Variants in LPP observed in about 807,000 individuals in gnomAD.
LPP encodes the protein lipoma-preferred partner.
LPP carries 38 observed loss-of-function variants against 60.4 expected under a neutral mutation model. The observed-to-expected ratio is 0.63, with a 90% CI of 0.49 to 0.83. The LOEUF (loss-of-function observed/expected upper bound fraction) is 0.83, where lower values mean the gene tolerates loss of function less well. Ranked by LOEUF, LPP falls within the 40% of genes least tolerant of loss-of-function variation. LPP has a pLI of 0.00. For missense variants in LPP, 902 were observed against 783.6 expected, an observed-to-expected ratio of 1.15 and a Z score of -1.80; for synonymous variants, 328 against 290.8, an observed-to-expected ratio of 1.13 and a Z score of -1.30.
chr3:188,603,430 A>G (rs1390269453), intron 6 of LPP, among the ~76,000 whole-genome samples: 29 of 152,002 alleles, frequency 1.9e-4, no homozygotes, highest in Admixed American at 1.9e-3. Context: ...TAAAACCCCA[A>G]ACTATGCAGC....
At chr3:188,228,121 C>G (rs1296818754) in intron 2 of LPP, among the ~76,000 whole-genome samples, 4 of 152,174 alleles carry the variant, frequency 2.6e-5, no homozygotes, top group African/African-American at 7.2e-5. Context: ...AGGCATCAGC[C>G]AGCTGCACTG....
At chr3:188,453,034 C>G (rs1230684143) in intron 4 of LPP, among the ~76,000 whole-genome samples, 1 of 152,118 alleles carries the variant, frequency 6.6e-6, no homozygotes, top group Non-Finnish European at 1.5e-5. Context: ...TTTGAGATGC[C>G]TTCTTAGGTG....
chr3:188,637,506 C>G (rs996965696), intron 7 of LPP, among the ~76,000 whole-genome samples: 102 of 150,330 alleles, frequency 6.8e-4, no homozygotes, highest in African/African-American at 2.4e-3. Context: ...CAAGAAATAA[C>G]TAAAATCAGA....
chr3:188,679,920 C>G (rs1249024616), intron 7 of LPP, among the ~76,000 whole-genome samples: 1 of 152,164 alleles, frequency 6.6e-6, no homozygotes, highest in Admixed American at 6.5e-5. Flanking sequence ...TCTGCTGTCA[C>G]TGTGCTGCCT....
intron 1 of LPP, among the ~76,000 whole-genome samples, chr3:188,212,043 G>A (rs951871040): frequency 6.6e-6 from 1 of 152,068 alleles, no homozygotes; most frequent in East Asian, 1.9e-4. Flanking sequence ...ATTTTTAGTA[G>A]AGACCAGTTT....
chr3:188,498,600 G>A (rs551161090), intron 5 of LPP, among the ~76,000 whole-genome samples: 30 of 152,232 alleles, frequency 2.0e-4, no homozygotes, highest in African/African-American at 6.7e-4. Flanking sequence ...CCTACTGTGG[G>A]AATAATGCTG....
chr3:188,535,997 C>T (rs1028921968), intron 6 of LPP, among the ~76,000 whole-genome samples: 1 of 129,354 alleles, frequency 7.7e-6, no homozygotes, highest in Admixed American at 9.6e-5. Context: ...ATAATTATTA[C>T]ATGAATTTTT....
At position 188,484,808 on chromosome 3, in the gene LPP, G is replaced by A; in HGVS notation, c.306+104G>A. The stretch of plus-strand genomic sequence containing the variant: ...GAATTTCATGAGTGTTTCTGTGCTG[G>A]ATAAACATTTATCCAGAGCCTATTG... On this transcript the variant is annotated intron_variant, in intron 5 of 11. Coordinates refer to ENST00000617246, the MANE Select transcript of LPP (RefSeq NM_001375462.1). 8.2e-6 allele frequency: 7 copies of A among 851,062 alleles called. No homozygotes were observed. In the East Asian group the frequency reaches 1.7e-4, roughly 21 times the overall value. The allele number at this position is 851,062 out of a possible 1,614,324, so 52.7% of individuals were successfully genotyped here.
At chr3:188,230,237 C>T (rs1026857641) in intron 2 of LPP, among the ~76,000 whole-genome samples, 7 of 151,912 alleles carry the variant, frequency 4.6e-5, no homozygotes, top group South Asian at 2.1e-4. Context: ...AGGTGCGTGC[C>T]GCCACGCCCA....
intron 2 of LPP, among the ~76,000 whole-genome samples, chr3:188,236,833 G>T (rs2149407592): frequency 6.6e-6 from 1 of 152,348 alleles, no homozygotes; most frequent in South Asian, 2.1e-4. Context: ...TGACTGATCA[G>T]AGTGGTGGTT....
intron 2 of LPP, among the ~76,000 whole-genome samples, chr3:188,228,292 G>A (rs908083351): frequency 6.6e-6 from 1 of 152,190 alleles, no homozygotes; most frequent in Non-Finnish European, 1.5e-5. Context: ...TTGTTCATGT[G>A]TGTGTCTCCA....
intron 6 of LPP, among the ~76,000 whole-genome samples, chr3:188,551,675 C>A (rs1388839675): frequency 6.6e-6 from 1 of 152,002 alleles, no homozygotes; most frequent in Non-Finnish European, 1.5e-5. Flanking sequence ...TGGAGATGTA[C>A]AGTTTGGTGT....
At chr3:188,604,009 C>T (rs780590394) in intron 6 of LPP, among the ~76,000 whole-genome samples, 15 of 152,124 alleles carry the variant, frequency 9.9e-5, no homozygotes, top group Non-Finnish European at 1.8e-4. Context: ...TTTTGAATTT[C>T]GTGCTGCTGT....
chr3:188,599,479 T>C (rs1840631730), intron 6 of LPP, among the ~76,000 whole-genome samples: 1 of 152,116 alleles, frequency 6.6e-6, no homozygotes, highest in Non-Finnish European at 1.5e-5. Flanking sequence ...TTGGGGTCTC[T>C]AGAAGTCCAG....
At chr3:188,290,840 T>G (rs1745696677) in intron 2 of LPP, among the ~76,000 whole-genome samples, 1 of 152,108 alleles carries the variant, frequency 6.6e-6, no homozygotes, top group African/African-American at 2.4e-5. Flanking sequence ...GGTGGCCTGC[T>G]GGTTGGTATT....
chr3:188,227,863 A>G (rs962614720), intron 2 of LPP, among the ~76,000 whole-genome samples: 6 of 152,234 alleles, frequency 3.9e-5, no homozygotes, highest in African/African-American at 1.4e-4. Context: ...AGCCAAGAGA[A>G]TGGGATTATG....
intron 4 of LPP, among the ~76,000 whole-genome samples, chr3:188,434,785 G>A (rs1791894120): frequency 6.6e-6 from 1 of 152,186 alleles, no homozygotes; most frequent in South Asian, 2.1e-4. Flanking sequence ...GTCAATGATG[G>A]ATCGAATTAG....
At chr3:188,709,389 C>G (rs757278323) in intron 8 of LPP, 4 of 152,084 alleles carry the variant, frequency 2.6e-5, no homozygotes, top group Non-Finnish European at 4.4e-5. Flanking sequence ...CAGAGCCTTG[C>G]TCTGTCACCC....
chr3:188,818,091 G>A (rs369184571), intron 9 of LPP, among the ~76,000 whole-genome samples: 5 of 152,260 alleles, frequency 3.3e-5, no homozygotes, highest in South Asian at 4.2e-4. Context: ...GAAGTAACGG[G>A]TGCATATCCT....
Sources: gnomAD v4.1 joint callset for allele counts (sites outside exome capture counted in the v4.1 genomes callset) on GRCh38, gnomAD v4.1.1 for gene constraint, MANE v1.5 for transcripts, NCBI Gene and HGNC (gene_info 2026-07-23, HGNC 2026-07-21) for gene names.